Variants in ZBP1 observed in about 807,000 individuals in gnomAD.
ZBP1 encodes the protein Z-DNA binding protein 1, also known as Z-DNA-binding protein 1.
In ZBP1, 42 loss-of-function variants were observed where a neutral mutation model predicts 41.1. The observed-to-expected ratio is 1.02, with a 90% CI of 0.80 to 1.32. ZBP1 has a LOEUF of 1.32. Ranked by LOEUF, ZBP1 falls within the 40% of genes most tolerant of loss-of-function variation. ZBP1 has a pLI of 0.00. For missense variants in ZBP1, 562 were observed against 549.7 expected, an observed-to-expected ratio of 1.02 and a Z score of -0.22; for synonymous variants, 214 against 205.2, an observed-to-expected ratio of 1.04 and a Z score of -0.37.
Position 57,613,502 on chromosome 20 carries a change from G to A in ZBP1, c.503-172C>T, listed in dbSNP as rs1215583615. Among the ~76,000 whole-genome samples, 1 of 152,166 alleles carries A rather than the reference G, an allele frequency of 6.6e-6. No individual in the cohort carries two copies. The highest frequency in any genetic ancestry group is 2.1e-4 in the South Asian group (1 of 4,834). ...GCTGGGTGTTTAACAGACACCACAG[G>A]TACCTCAGAGGGAGCCTCACTTGAA... On this transcript the variant is annotated intron_variant, in intron 4 of 7. Transcript: ENST00000371173. This position sits in a 1 kb window ranked among gnomAD's most constrained non-coding sequence, Gnocchi z 4.5.
intron 5 of ZBP1, among the ~76,000 whole-genome samples, 173 bp from the exon 6 acceptor site, chr20:57,612,103 T>C (rs1201141744): frequency 1.3e-5 from 2 of 152,108 alleles, no homozygotes; most frequent in Non-Finnish European, 1.5e-5. Flanking sequence ...ATAGCTCATT[T>C]TGGGGCTCCC....
intron 3 of ZBP1, 51 bp downstream of exon 3, chr20:57,615,461 G>GTGTCCCCAGGA (rs1446869577): frequency 1.3e-6 from 2 of 1,589,876 alleles, no homozygotes; most frequent in Non-Finnish European, 1.7e-6. Flanking sequence ...TGGGGTTCCT[G>GTGTCCCCAGGA]GGGAGTGGGA....
rs12233258 is a variant in ZBP1 at position 57,614,690 on chromosome 20, G to A, written c.502+197C>T. Among the ~76,000 whole-genome samples, 14,283 of 152,198 alleles carry A rather than the reference G, an allele frequency of 0.094. 780 individuals are homozygous for A. The highest frequency in any genetic ancestry group is 0.25 in the East Asian group (1,300 of 5,178). ...TCTGCAACTGCAGACCTTGGGCCACGCCTCCAAAAAGCTGTCCCTGGTTAA... is the reference window on the plus strand; with the variant it reads ...TCTGCAACTGCAGACCTTGGGCCACACCTCCAAAAAGCTGTCCCTGGTTAA... On this transcript the variant is annotated intron_variant, in intron 4 of 7. Transcript: ENST00000371173.
At chr20:57,619,365 T>A (rs1465918798) in intron 1 of ZBP1, among the ~76,000 whole-genome samples, 3 of 152,148 alleles carry the variant, frequency 2.0e-5, no homozygotes, top group African/African-American at 7.2e-5. Flanking sequence ...GAGACAGTAA[T>A]AACTACTTCA....
chr20:57,604,866 C>G (rs370676541), intron 7 of ZBP1, 97 bp from the exon 8 acceptor site: 1 of 1,210,616 alleles, frequency 8.3e-7, no homozygotes, highest in Admixed American at 2.2e-5. Flanking sequence ...TCAGCTTGAG[C>G]CTTTGTTGTT....
rs2070808509 is a variant in ZBP1, at chr20:57,615,815, G to T, written c.260-235C>A. 3 of 553,430 alleles carry T rather than the reference G, an allele frequency of 5.4e-6. No homozygotes were observed. The South Asian group carries it at 7.1e-5, about 13-fold the overall frequency. 34.3% of individuals were successfully genotyped at this position (553,430 alleles called of 1,614,324 possible). Reference sequence around the variant, plus strand: ...CTTTGCCTCCTGGGGTTGTGTGAGGGCTGGGTGAACCCCAAAACAGTGCCT... The same window carrying T: ...CTTTGCCTCCTGGGGTTGTGTGAGGTCTGGGTGAACCCCAAAACAGTGCCT... On this transcript the variant is annotated intron_variant, in intron 2 of 7. Coordinates refer to ENST00000371173, the MANE Select transcript of ZBP1 (RefSeq NM_030776.3).
At chr20:57,616,144 G>T in intron 2 of ZBP1, 100 bp downstream of exon 2, 1 of 1,101,142 alleles carries the variant, frequency 9.1e-7, no homozygotes, top group Non-Finnish European at 1.3e-6. Context: ...GAGCTCCCAT[G>T]TGGCAGAGTT....
At position 57,610,353 on chromosome 20, in the gene ZBP1, C is replaced by A. The variant is rs903523941; in HGVS notation, c.889G>T (p.Ala297Ser). ...GCTTCAAACGAAGCTTCTGGGCCGG[C>A]AGCAGTGGCAGAGACTGTGGGTCAA... ...PGSPPVSATA[A>S]GPEASFEARI... Residue 297 changes from alanine to serine, a missense_variant, in exon 7 of 8, where the codon GCC (alanine) becomes TCC (serine). Physicochemically the swap from Ala to Ser is moderately conservative, Grantham distance 99 (BLOSUM62 1). Coordinates refer to ENST00000371173, the MANE Select transcript of ZBP1 (RefSeq NM_030776.3). The surrounding 1 kb of genome is among the most constrained non-coding windows in gnomAD (Gnocchi z 5.5). 1.2e-6 allele frequency: 2 copies of A among 1,614,062 alleles called. No homozygotes were observed. Among genetic ancestry groups the A allele is most frequent in the African/African-American group, 2.7e-5 (2 of 74,922 alleles).
In ZBP1 at chr20:57,604,454, G is replaced by T; in HGVS notation, c.*119C>A. ...ATTCCCCCAAAACTGATTCATGCAG[G>T]TTATGTCTGGAAGCAAGCAGGTCAA... On this transcript the variant is annotated 3_prime_UTR_variant, in exon 8 of 8. Coordinates refer to ENST00000371173, the MANE Select transcript of ZBP1 (RefSeq NM_030776.3). 1 of 1,295,482 alleles carries T rather than the reference G, an allele frequency of 7.7e-7. No individual in the cohort carries two copies. Among genetic ancestry groups the T allele is most frequent in the Non-Finnish European group, 1.1e-6 (1 of 899,110 alleles). The allele number at this position is 1,295,482 out of a possible 1,614,324, so 80.2% of individuals were successfully genotyped here. A position where few individuals can be genotyped will look rare whatever the true frequency, so the allele number is the denominator to read the frequency against.
In ZBP1 at chr20:57,610,366, G is replaced by C. The variant is rs1228443459; in HGVS notation, c.876C>G (p.Val292=). 2 of 1,614,136 alleles carry C rather than the reference G, an allele frequency of 1.2e-6. No homozygotes were observed. The highest frequency in any genetic ancestry group is 1.7e-6 in the Non-Finnish European group (2 of 1,179,986). The change falls in exon 7 of 8, where the codon GTC becomes GTG. Residue 292 remains valine, a splice_region_variant and synonymous_variant. Coordinates refer to ENST00000371173, the MANE Select transcript of ZBP1 (RefSeq NM_030776.3). This position sits in a 1 kb window ranked among gnomAD's most constrained non-coding sequence, Gnocchi z 5.5. ...CTTCTGGGCCGGCAGCAGTGGCAGA[G>C]ACTGTGGGTCAAAGGGAGAGAGGCC... The part of the protein sequence containing the change: ...PAHIPPGSPP[V]SATAAGPEAS...
intron 7 of ZBP1, among the ~76,000 whole-genome samples, chr20:57,607,722 G>C (rs909936998): frequency 6.6e-6 from 1 of 152,176 alleles, no homozygotes; most frequent in African/African-American, 2.4e-5. Context: ...CCACCACCCT[G>C]ATCAGTCAGC....
At position 57,613,439 on chromosome 20, in the gene ZBP1, G is replaced by A. The variant is rs2070731419; in HGVS notation, c.503-109C>T. 7.9e-7 allele frequency: 1 copy of A among 1,271,874 alleles called. No individual in the cohort carries two copies. The highest frequency in any genetic ancestry group is 1.1e-6 in the Non-Finnish European group (1 of 905,914). 78.8% of individuals were successfully genotyped at this position (1,271,874 alleles called of 1,614,324 possible). Reference sequence around the variant, plus strand: ...CCTGGGGAGCTTGTTAAAATACCCTGGGCGTTCCGAGTCAGTAGGGCCAAG... The same window carrying A: ...CCTGGGGAGCTTGTTAAAATACCCTAGGCGTTCCGAGTCAGTAGGGCCAAG... On this transcript the variant is annotated intron_variant, in intron 4 of 7. Coordinates refer to ENST00000371173, the MANE Select transcript of ZBP1 (RefSeq NM_030776.3). The surrounding 1 kb of genome is among the most constrained non-coding windows in gnomAD (Gnocchi z 4.5).
rs2070715052 is a variant in ZBP1, at chr20:57,613,019, G to A, written c.670+144C>T. The A allele has an allele frequency of 2.0e-6, 3 of 1,499,968 alleles. No homozygotes were observed. The highest frequency in any genetic ancestry group is 2.1e-5 in the Admixed American group (1 of 46,780). 92.9% of individuals were successfully genotyped at this position (1,499,968 alleles called of 1,614,324 possible). Reference sequence around the variant, plus strand: ...TCCTCATTCTCAGGACGGCCGTAAAGGTGGACTGTGGGGGTCTGGAAGCAA... The same window carrying A: ...TCCTCATTCTCAGGACGGCCGTAAAAGTGGACTGTGGGGGTCTGGAAGCAA... On this transcript the variant is annotated intron_variant, in intron 5 of 7. Transcript: ENST00000371173. The surrounding 1 kb of genome is among the most constrained non-coding windows in gnomAD (Gnocchi z 4.5).
Position 57,620,306 on chromosome 20 carries a change from G to C in ZBP1, c.-11C>G. 6 of 1,594,684 alleles carry C rather than the reference G, an allele frequency of 3.8e-6. No individual in the cohort carries two copies. The highest frequency in any genetic ancestry group is 5.1e-6 in the Non-Finnish European group (6 of 1,170,102). ...AGGAGCCTGGGCCATGCTGACAGCA[G>C]CTGCAAGGAGTCGGAGAGACTTGGC... On this transcript the variant is annotated 5_prime_UTR_variant, in exon 1 of 8. Transcript: ENST00000371173.
rs750331458 is a variant in ZBP1 at position 57,610,228 on chromosome 20, G to A, written c.1014C>T (p.Asn338=). 7.4e-6 allele frequency: 12 copies of A among 1,614,054 alleles called. No homozygotes were observed. The highest frequency in any genetic ancestry group is 1.3e-5 in the African/African-American group (1 of 74,916). ...CCACCCCTGGGCTGATAGACATTTTGTTGCTGTTGCCGATGGTGGCGTCCT... is the reference window on the plus strand; with the variant it reads ...CCACCCCTGGGCTGATAGACATTTTATTGCTGTTGCCGATGGTGGCGTCCT... ...FLEDATIGNS[N]KMSISPGVAG... Residue 338 remains asparagine (N), a synonymous_variant, in exon 7 of 8, where the codon AAC becomes AAT. Transcript: ENST00000371173. The surrounding 1 kb of genome is among the most constrained non-coding windows in gnomAD (Gnocchi z 5.5).
rs117945471 is a variant in ZBP1, at chr20:57,615,763, C to T, written c.260-183G>A. On this transcript the variant is annotated intron_variant, in intron 2 of 7. Coordinates refer to ENST00000371173, the MANE Select transcript of ZBP1 (RefSeq NM_030776.3). ...CGCCCTGGCAGCTGCGGCTTCCTGC[C>T]GATTAACTTCTCCGGGGCTCAGCCT... 86 of 561,726 alleles carry T rather than the reference C, an allele frequency of 1.5e-4. No homozygotes were observed. In the East Asian group the frequency reaches 2.0e-3, roughly 13 times the overall value. The allele number at this position is 561,726 out of a possible 1,614,324, so 34.8% of individuals were successfully genotyped here.
rs770376452 is a variant in ZBP1 at position 57,610,362 on chromosome 20, C to T, written c.880G>A (p.Ala294Thr). ...HIPPGSPPVSATAAGPEASFE... is the reference protein window; with the variant it reads ...HIPPGSPPVSTTAAGPEASFE... Reference sequence around the variant, plus strand: ...GAAGCTTCTGGGCCGGCAGCAGTGGCAGAGACTGTGGGTCAAAGGGAGAGA... The same window carrying T: ...GAAGCTTCTGGGCCGGCAGCAGTGGTAGAGACTGTGGGTCAAAGGGAGAGA... Residue 294 changes from alanine (A) to threonine (T), a missense_variant, in exon 7 of 8, where the codon GCC (alanine) becomes ACC (threonine). By Grantham distance (58) the Ala-to-Thr change is moderately conservative (BLOSUM62 0). Transcript: ENST00000371173. The surrounding 1 kb of genome is among the most constrained non-coding windows in gnomAD (Gnocchi z 5.5). 11 of 1,614,032 alleles carry T rather than the reference C, an allele frequency of 6.8e-6. No individual in the cohort carries two copies. The highest frequency in any genetic ancestry group is 1.3e-5 in the African/African-American group (1 of 74,920).
At chr20:57,609,359 C>G (rs2070585357) in intron 7 of ZBP1, among the ~76,000 whole-genome samples, 1 of 152,196 alleles carries the variant, frequency 6.6e-6, no homozygotes. Flanking sequence ...TTTCCCCTCT[C>G]CCCTCTTCCT....
In ZBP1 at chr20:57,611,707, G is replaced by A. The variant is rs1465242608; in HGVS notation, c.874+20C>T. ...CCCACGGGGTGGCAGAGTTGGGTCT[G>A]GCCTCTAGATCCCAGTTACCTGGGG... is the stretch of plus-strand genomic sequence containing the variant. On this transcript the variant is annotated intron_variant, in intron 6 of 7. Transcript: ENST00000371173. 1 of 1,599,594 alleles carries A rather than the reference G, an allele frequency of 6.3e-7. No individual in the cohort carries two copies. The highest frequency in any genetic ancestry group is 1.7e-5 in the Admixed American group (1 of 58,248).
Sources: gnomAD v4.1 joint callset for allele counts (sites outside exome capture counted in the v4.1 genomes callset) on GRCh38, gnomAD v4.1.1 for gene constraint, Gnocchi (gnomAD v3.1) non-coding constraint, MANE v1.5 for transcripts, NCBI Gene and HGNC (gene_info 2026-07-23, HGNC 2026-07-21) for gene names.